Variants in THOC2 observed in about 807,000 individuals in gnomAD.
The protein encoded by THOC2 is THO complex subunit 2, also known as THO complex 2.
In THOC2, 10 loss-of-function variants were observed where a neutral mutation model predicts 128.4. That is an observed-to-expected ratio of 0.08 (90% CI 0.05 to 0.13). THOC2 has a LOEUF of 0.13. Among genes scored for constraint, THOC2 ranks in the 10% least tolerant of loss-of-function variants. The probability of loss-of-function intolerance (pLI) is 1.00; values close to 1 mark genes in which losing one functional copy is unlikely to be tolerated. For synonymous variants in THOC2, 393 were observed against 396.9 expected (o/e 0.99, Z 0.12); for missense variants, 535 against 1,155.7 (o/e 0.46, Z 7.79).
chrX:123,713,452 C>T (rs1471694773), intron 1 of THOC2, among the ~76,000 whole-genome samples: 2 of 95,094 alleles, frequency 2.1e-5, no homozygotes, highest in Non-Finnish European at 4.1e-5. Context: ...TGCAGCCTGG[C>T]AACAGAGCAA....
chrX:123,623,312 A>G lies in THOC2; in HGVS notation c.3504-29T>C. ...AAAGTCGCACAAAGTGTTTAAATATACAAACACAAATCAAAAAACATAAAC... is the reference window on the plus strand; with the variant it reads ...AAAGTCGCACAAAGTGTTTAAATATGCAAACACAAATCAAAAAACATAAAC... On this transcript the variant is annotated intron_variant, in intron 28 of 38. Transcript: ENST00000245838. 3 of 1,124,015 alleles carry G rather than the reference A, an allele frequency of 2.7e-6. 1 individual carries two copies. Among genetic ancestry groups the G allele is most frequent in the Non-Finnish European group, 2.4e-6 (2 of 846,947 alleles). The allele number at this position is 1,124,015 out of a possible 1,213,427, so 92.6% of individuals were successfully genotyped here.
At chrX:123,644,496 C>T (rs2048049005) in intron 15 of THOC2, 79 bp downstream of exon 15, 2 of 741,851 alleles carry the variant, frequency 2.7e-6, no homozygotes, top group Non-Finnish European at 3.8e-6. Context: ...AAAACTGAGG[C>T]TCAGACAAGC....
chrX:123,674,052 G>A (rs1016421278), intron 8 of THOC2, among the ~76,000 whole-genome samples: 2 of 112,084 alleles, frequency 1.8e-5, no homozygotes, highest in African/African-American at 6.5e-5. Context: ...TGAGAAGAAT[G>A]TAGATTCTGT....
chrX:123,620,846 A>G, intron 32 of THOC2, 61 bp downstream of exon 32: 1 of 1,087,650 alleles, frequency 9.2e-7, no homozygotes, highest in Non-Finnish European at 1.3e-6. Context: ...GGAAGTCAGG[A>G]CACTGGTATT....
chrX:123,616,595 A>T (rs181491263), intron 33 of THOC2, among the ~76,000 whole-genome samples: 2 of 110,293 alleles, frequency 1.8e-5, no homozygotes, highest in Admixed American at 1.9e-4. Context: ...GAACAAATTG[A>T]AAGCTAAATT....
intron 4 of THOC2, among the ~76,000 whole-genome samples, chrX:123,702,530 TTACA>T (rs1056380131): frequency 7.6e-5 from 8 of 105,192 alleles, no homozygotes; most frequent in African/African-American, 2.7e-4. Context: ...ATAATATATA[TTACA>T]TACATACATA....
chrX:123,638,750 A>ACACACT (rs1439028703), intron 17 of THOC2, among the ~76,000 whole-genome samples, 184 bp downstream of exon 17: 4 of 99,169 alleles, frequency 4.0e-5, no homozygotes, highest in African/African-American at 1.5e-4. Flanking sequence ...ACACACACAC[A>ACACACT]CTCTCTCTCT....
intron 12 of THOC2, among the ~76,000 whole-genome samples, chrX:123,657,036 G>C (rs965582966): frequency 1.8e-5 from 2 of 111,122 alleles, no homozygotes; most frequent in Non-Finnish European, 3.8e-5. Context: ...GGCAATATAA[G>C]CAGAGATATG....
intron 12 of THOC2, among the ~76,000 whole-genome samples, chrX:123,653,032 G>A (rs1472236088): frequency 1.8e-5 from 2 of 111,614 alleles, no homozygotes; most frequent in African/African-American, 3.3e-5. Context: ...ATACTACAAG[G>A]CTACAGTAAC....
chrX:123,611,561 T>C, intron 36 of THOC2, 45 bp from the exon 37 acceptor site: 1 of 907,286 alleles, frequency 1.1e-6, no homozygotes, highest in Non-Finnish European at 1.6e-6. Context: ...AAGCCAAATA[T>C]AAAAGCCAGC....
chrX:123,707,043 A>G (rs750792143), intron 2 of THOC2, 94 bp from the exon 3 acceptor site: 1 of 353,703 alleles, frequency 2.8e-6, no homozygotes, highest in African/African-American at 2.7e-5. Context: ...TATTATAAAC[A>G]TCAATAATGA....
chrX:123,690,168 TA>T (rs2050162031), intron 7 of THOC2, among the ~76,000 whole-genome samples: 1 of 110,776 alleles, frequency 9.0e-6, no homozygotes, highest in Non-Finnish European at 1.9e-5. Flanking sequence ...TTTAAATAAG[TA>T]TTAAATAACT....
chrX:123,671,771 T>TAA lies in THOC2; in HGVS notation c.769-12_769-11dup, dbSNP rs201356571. The stretch of plus-strand genomic sequence containing the variant: ...TCTCGCCATTTGGTTCCTAGAAATA[T>TAA]AAAAAAAAAAGTTTCCATTTAGTGC... On this transcript the variant is annotated splice_polypyrimidine_tract_variant and intron_variant, in intron 8 of 38. Transcript: ENST00000245838. The TAA allele has an allele frequency of 1.7e-5, 18 of 1,032,274 alleles. No individual in the cohort carries two copies. Among genetic ancestry groups the TAA allele is most frequent in the South Asian group, 1.2e-4 (5 of 42,166 alleles). 85.1% of individuals were successfully genotyped at this position (1,032,274 alleles called of 1,213,427 possible).
At chrX:123,706,487 A>G (rs912894086) in intron 3 of THOC2, among the ~76,000 whole-genome samples, 3 of 108,175 alleles carry the variant, frequency 2.8e-5, no homozygotes, top group African/African-American at 1.0e-4. Context: ...CATCATTTAC[A>G]TTAGGTATAT....
At position 123,667,142 on chromosome X, in the gene THOC2, T is replaced by C. The variant is rs745818939; in HGVS notation, c.1154A>G (p.Lys385Arg). 2 of 1,201,743 alleles carry C rather than the reference T, an allele frequency of 1.7e-6. No individual in the cohort carries two copies. The highest frequency in any genetic ancestry group is 2.2e-6 in the Non-Finnish European group (2 of 891,123). Residue 385 changes from lysine (K) to arginine (R), a missense_variant, in exon 11 of 39, where the codon AAG becomes AGG. Lys to Arg is a conservative substitution (Grantham distance 26, BLOSUM62 2). Transcript: ENST00000245838. ...AGGCTCAATAGTTATATGAATGAGC[T>C]TGCAAATAGCAAGGGCTATTAGCTT... ...SHKLIALAIC[K>R]LIHITIEPLY...
chrX:123,732,971 T>G lies in THOC2; in HGVS notation c.52A>C (p.Lys18Gln). 1.7e-6 allele frequency: 2 copies of G among 1,211,400 alleles called. No homozygotes were observed. Among genetic ancestry groups the G allele is most frequent in the Non-Finnish European group, 2.2e-6 (2 of 895,331 alleles). ...VPAEWIKNWE[K>Q]SGRGEFLHLC... ...ACTCACAATTCGCCTCTCCCTGATT[T>G]CTCCCAGTTCTTTATCCACTCTGCG... Residue 18 changes from lysine (K) to glutamine (Q), a missense_variant, in exon 1 of 39, where the codon AAA becomes CAA. Transcript: ENST00000245838.
rs760120683 is a variant in THOC2 at position 123,614,194 on chromosome X, T to A, written c.4312-5A>T. The A allele has an allele frequency of 2.1e-5, 24 of 1,150,417 alleles. No individual in the cohort carries two copies. The East Asian group carries it at 7.3e-4, about 35-fold the overall frequency. The allele number at this position is 1,150,417 out of a possible 1,213,427, so 94.8% of individuals were successfully genotyped here. On this transcript the variant is annotated splice_region_variant and splice_polypyrimidine_tract_variant and intron_variant, in intron 33 of 38. Transcript: ENST00000245838. The stretch of plus-strand genomic sequence containing the variant: ...AGGAGTATGATTAATGTAGAGCTGT[T>A]AAATTAAGGCAATATTACTAAAGAT...
chrX:123,627,529 T>C (rs986418403), intron 23 of THOC2, among the ~76,000 whole-genome samples, 164 bp downstream of exon 23: 21 of 111,595 alleles, frequency 1.9e-4, no homozygotes, highest in Non-Finnish European at 3.8e-4. Context: ...GTCACCAAAC[T>C]CCTGGCCCCC....
chrX:123,655,016 T>A (rs1484874304), intron 12 of THOC2, among the ~76,000 whole-genome samples: 1 of 110,707 alleles, frequency 9.0e-6, no homozygotes. Flanking sequence ...TTACTAATGA[T>A]CTATTTTTCG....
Sources: allele counts gnomAD v4.1 joint callset (sites outside exome capture counted in the v4.1 genomes callset), GRCh38; gene constraint gnomAD v4.1.1; transcripts MANE v1.5; gene names NCBI Gene and HGNC (gene_info 2026-07-23, HGNC 2026-07-21).